Variants in NPAS3 observed in about 807,000 individuals in gnomAD.
NPAS3 encodes the protein neuronal PAS domain-containing protein 3.
NPAS3 carries 14 observed loss-of-function variants against 73.1 expected under a neutral mutation model. The ratio of observed to expected loss-of-function variants is 0.19; its 90% CI spans 0.13 to 0.30. The LOEUF (loss-of-function observed/expected upper bound fraction) is 0.30, where lower values mean the gene tolerates loss of function less well. Among genes scored for constraint, NPAS3 ranks in the 10% least tolerant of loss-of-function variants. NPAS3 has a pLI of 1.00. For missense variants in NPAS3, 1,096 were observed against 1,250.0 expected (o/e 0.88, Z 1.86); for synonymous variants, 620 against 541.5 (o/e 1.14, Z -2.01).
At chr14:33,275,782 A>C (rs2041301554) in intron 3 of NPAS3, among the ~76,000 whole-genome samples, 1 of 152,210 alleles carries the variant, frequency 6.6e-6, no homozygotes, top group African/African-American at 2.4e-5. Flanking sequence ...ATAAATTAGT[A>C]TAATCTGACT....
chr14:33,020,456 A>G (rs945147993), intron 1 of NPAS3, among the ~76,000 whole-genome samples: 1 of 152,254 alleles, frequency 6.6e-6, no homozygotes, highest in African/African-American at 2.4e-5. Context: ...GGGAAAATCC[A>G]GTGAAATAAT....
At chr14:33,575,868 T>A (rs924952803) in intron 5 of NPAS3, among the ~76,000 whole-genome samples, 5 of 152,208 alleles carry the variant, frequency 3.3e-5, no homozygotes, top group African/African-American at 1.2e-4. Flanking sequence ...GTATCAATAC[T>A]GCTTTTCGTT....
chr14:33,011,334 A>G (rs1005522347), intron 1 of NPAS3, among the ~76,000 whole-genome samples: 1 of 152,186 alleles, frequency 6.6e-6, no homozygotes, highest in Non-Finnish European at 1.5e-5. Flanking sequence ...TCAGGGTGCA[A>G]TGTGGGGACC....
chr14:33,564,758 A>G (rs2055841443), intron 5 of NPAS3, among the ~76,000 whole-genome samples: 1 of 152,218 alleles, frequency 6.6e-6, no homozygotes, highest in African/African-American at 2.4e-5. Flanking sequence ...GTGAGGTGAG[A>G]CAGGATAATT....
chr14:33,224,756 C>G (rs1017450517), intron 3 of NPAS3, among the ~76,000 whole-genome samples: 1 of 151,926 alleles, frequency 6.6e-6, no homozygotes, highest in African/African-American at 2.4e-5. Flanking sequence ...AGACCCTGGC[C>G]CATTTTAGAG....
chr14:33,018,000 G>A (rs909910138), intron 1 of NPAS3, among the ~76,000 whole-genome samples: 10 of 151,860 alleles, frequency 6.6e-5, no homozygotes, highest in Non-Finnish European at 1.0e-4. Flanking sequence ...TTGTCATGTC[G>A]TGGCTTTAAA....
At chr14:33,143,882 A>C (rs2044147903) in intron 2 of NPAS3, among the ~76,000 whole-genome samples, 1 of 152,200 alleles carries the variant, frequency 6.6e-6, no homozygotes, top group Non-Finnish European at 1.5e-5. Flanking sequence ...TCCATATTGT[A>C]GCATGAATCA....
At chr14:33,402,854 A>G (rs374077439) in intron 4 of NPAS3, among the ~76,000 whole-genome samples, 1 of 152,126 alleles carries the variant, frequency 6.6e-6, no homozygotes, top group African/African-American at 2.4e-5. Context: ...TGTTTTTCTG[A>G]CAAGGACTAC....
chr14:33,081,823 A>G (rs1302618513), intron 2 of NPAS3, among the ~76,000 whole-genome samples: 1 of 152,166 alleles, frequency 6.6e-6, no homozygotes, highest in East Asian at 1.9e-4. Flanking sequence ...GTATTGAACC[A>G]CTTTGTATGA....
At chr14:33,239,576 T>G (rs1045425642) in intron 3 of NPAS3, among the ~76,000 whole-genome samples, 1 of 151,882 alleles carries the variant, frequency 6.6e-6, no homozygotes, top group South Asian at 2.1e-4. Context: ...TTCTACAAAT[T>G]TTCTGTCATG....
At chr14:33,613,857 T>G (rs2057830075) in intron 5 of NPAS3, among the ~76,000 whole-genome samples, 1 of 152,168 alleles carries the variant, frequency 6.6e-6, no homozygotes, top group Admixed American at 6.5e-5. Flanking sequence ...ACTGCTTTGT[T>G]TATATTTTCA....
intron 1 of NPAS3, among the ~76,000 whole-genome samples, chr14:32,958,850 C>G (rs1252034662): frequency 6.6e-6 from 1 of 152,050 alleles, no homozygotes; most frequent in Non-Finnish European, 1.5e-5. Flanking sequence ...TGAAGTAGCC[C>G]CAGAACAGGC....
At chr14:33,681,847 A>G (rs1289649783) in intron 6 of NPAS3, among the ~76,000 whole-genome samples, 1 of 151,002 alleles carries the variant, frequency 6.6e-6, no homozygotes, top group Non-Finnish European at 1.5e-5. Context: ...CTAGATTTAT[A>G]CTTAATGACA....
Position 33,797,510 on chromosome 14 carries a change from C to T in NPAS3, c.1355C>T (p.Pro452Leu), listed in dbSNP as rs780097612. Residue 452 changes from proline (P) to leucine (L), a missense_variant, in exon 11 of 12, where the codon CCG (proline) becomes CTG (leucine). Physicochemically the swap from Pro to Leu is moderately conservative, Grantham distance 98. Coordinates refer to ENST00000356141, the Ensembl canonical transcript of NPAS3. The stretch of plus-strand genomic sequence containing the variant: ...GACATCGCACAGCTCCCCCATCTGC[C>T]GGAGAAAACTTCCGAATCCTCGGAG... 12 of 1,613,960 alleles carry T rather than the reference C, an allele frequency of 7.4e-6. No homozygotes were observed. The African/African-American group carries it at 9.3e-5, about 13-fold the overall frequency.
intron 5 of NPAS3, among the ~76,000 whole-genome samples, chr14:33,628,686 T>G (rs1054981711): frequency 2.6e-5 from 4 of 152,202 alleles, no homozygotes; most frequent in African/African-American, 9.6e-5. Context: ...AGCTGGAAAT[T>G]GTAGAAATGT....
At chr14:33,787,961 G>C (rs10142789) in intron 9 of NPAS3, among the ~76,000 whole-genome samples, 1 of 151,940 alleles carries the variant, frequency 6.6e-6, no homozygotes, top group South Asian at 2.1e-4. Context: ...AGAAAAAAAA[G>C]GAAAGAAAGA....
chr14:33,733,305 C>G (rs1434172624), intron 6 of NPAS3, among the ~76,000 whole-genome samples: 8 of 148,568 alleles, frequency 5.4e-5, no homozygotes, highest in Admixed American at 5.3e-4. Flanking sequence ...ATAATCTGTC[C>G]TTGGGAGGAA....
At chr14:33,625,326 T>A (rs1295680066) in intron 5 of NPAS3, among the ~76,000 whole-genome samples, 1 of 152,236 alleles carries the variant, frequency 6.6e-6, no homozygotes, top group East Asian at 1.9e-4. Flanking sequence ...AGAGACCACT[T>A]TTCCAGTTAG....
intron 3 of NPAS3, among the ~76,000 whole-genome samples, chr14:33,271,123 T>C (rs2041056779): frequency 6.6e-6 from 1 of 152,168 alleles, no homozygotes; most frequent in Non-Finnish European, 1.5e-5. Context: ...CATATAGAAA[T>C]ACGACTGGAT....
Sources: allele counts gnomAD v4.1 joint callset (sites outside exome capture counted in the v4.1 genomes callset), GRCh38; gene constraint gnomAD v4.1.1; transcripts MANE v1.5; gene names NCBI Gene and HGNC (gene_info 2026-07-23, HGNC 2026-07-21).